The following FMN2 variants were observed in gnomAD, a reference collection of about 807,000 sequenced individuals.
The protein encoded by FMN2 is formin 2.
In FMN2, 51 loss-of-function variants were observed where a neutral mutation model predicts 142.3. The ratio of observed to expected loss-of-function variants is 0.36; its 90% CI spans 0.29 to 0.45. The LOEUF (loss-of-function observed/expected upper bound fraction) is 0.45, where lower values mean the gene tolerates loss of function less well. Ranked by LOEUF, FMN2 falls within the 20% of genes least tolerant of loss-of-function variation. FMN2 has a pLI of 1.00. For synonymous variants in FMN2, 882 were observed against 869.8 expected, an observed-to-expected ratio of 1.01 and a Z score of -0.25; for missense variants, 1,936 against 2,122.8, an observed-to-expected ratio of 0.91 and a Z score of 1.73.
intron 7 of FMN2, among the ~76,000 whole-genome samples, chr1:240,259,615 C>G (rs185575786): frequency 6.6e-6 from 1 of 151,124 alleles, no homozygotes; most frequent in Non-Finnish European, 1.5e-5. Context: ...ATGTGTGAAT[C>G]GCTTGTGTCC....
Position 240,461,356 on chromosome 1 carries a change from T to C in FMN2, c.5061-11016T>C, listed in dbSNP as rs145117046. ...GGGTTACTGCGAAATTTAAAGGAGA[T>C]GGTTATCTGTAAGCTCTCCTAGCTC... On this transcript the variant is annotated intron_variant, in intron 16 of 17. Transcript: ENST00000319653. 3.7e-4 allele frequency among the ~76,000 whole-genome samples: 57 copies of C among 152,172 alleles called. 1 individual carries two copies. The highest frequency in any genetic ancestry group is 1.1e-3 in the African/African-American group (45 of 41,526).
chr1:240,275,240 GC>G (rs1243093909), intron 7 of FMN2, among the ~76,000 whole-genome samples: 6 of 150,156 alleles, frequency 4.0e-5, no homozygotes, highest in African/African-American at 1.5e-4. Context: ...CCCTCCCCTA[GC>G]CCCCCAACCC....
At chr1:240,199,331 GC>G (rs1288215669) in intron 4 of FMN2, among the ~76,000 whole-genome samples, 10 of 152,090 alleles carry the variant, frequency 6.6e-5, no homozygotes, top group African/African-American at 2.4e-4. Context: ...CCAATAAGCA[GC>G]TTTTAAATTC....
rs566318114 is a variant in FMN2 at position 240,148,903 on chromosome 1, C to T, written c.1782+25558C>T. ...AGGAGAATGGCGTGAACCCGGGAGG[C>T]GGAGCTTGCAGTGAGTCTAGATCGC... On this transcript the variant is annotated intron_variant, in intron 2 of 17. Transcript: ENST00000319653. Among the ~76,000 whole-genome samples the T allele has an allele frequency of 6.6e-5, 10 of 151,222 alleles. No homozygotes were observed. In the South Asian group the frequency reaches 1.5e-3, roughly 22 times the overall value.
intron 2 of FMN2, among the ~76,000 whole-genome samples, chr1:240,139,851 T>A (rs1437332335): frequency 6.6e-6 from 1 of 151,834 alleles, no homozygotes; most frequent in African/African-American, 2.4e-5. Context: ...TTAGTGAGGG[T>A]GGGAATTGAA....
intron 1 of FMN2, among the ~76,000 whole-genome samples, chr1:240,106,340 A>G (rs187222915): frequency 3.9e-5 from 6 of 152,202 alleles, no homozygotes; most frequent in African/African-American, 1.4e-4. Context: ...ATTTCCCTGC[A>G]TGTTGATAAA....
intron 7 of FMN2, among the ~76,000 whole-genome samples, chr1:240,291,132 T>C (rs1669771731): frequency 6.6e-6 from 1 of 152,088 alleles, no homozygotes; most frequent in Non-Finnish European, 1.5e-5. Context: ...TAGTAACACG[T>C]GGTCATTTGT....
At chr1:240,430,787 C>A (rs1675143161) in intron 15 of FMN2, among the ~76,000 whole-genome samples, 1 of 151,102 alleles carries the variant, frequency 6.6e-6, no homozygotes, top group Non-Finnish European at 1.5e-5. Flanking sequence ...ATTCAGATGA[C>A]CTTGTATGTG....
intron 7 of FMN2, among the ~76,000 whole-genome samples, chr1:240,261,169 T>C (rs1248483101): frequency 6.6e-6 from 1 of 152,202 alleles, no homozygotes; most frequent in East Asian, 1.9e-4. Flanking sequence ...ATAGTATAGT[T>C]TGAAGTCAGA....
intron 16 of FMN2, among the ~76,000 whole-genome samples, chr1:240,469,614 T>A (rs1043453742): frequency 1.3e-5 from 2 of 152,204 alleles, no homozygotes; most frequent in African/African-American, 4.8e-5. Flanking sequence ...TTCAATCCAT[T>A]TTCCTTTTCC....
chr1:240,270,392 T>C (rs1668960443), intron 7 of FMN2, among the ~76,000 whole-genome samples: 1 of 152,110 alleles, frequency 6.6e-6, no homozygotes, highest in Non-Finnish European at 1.5e-5. Flanking sequence ...ACTGGGTATA[T>C]ACCCAAAGGG....
intron 4 of FMN2, among the ~76,000 whole-genome samples, chr1:240,202,871 A>C (rs187362914): frequency 4.9e-4 from 75 of 152,228 alleles, no homozygotes; most frequent in African/African-American, 1.7e-3. Context: ...TGGCATAGGC[A>C]ATAACATTTA....
intron 2 of FMN2, among the ~76,000 whole-genome samples, chr1:240,136,445 A>C (rs367597676): frequency 1.3e-5 from 2 of 152,218 alleles, no homozygotes; most frequent in Non-Finnish European, 2.9e-5. Context: ...CACTCGTGGC[A>C]ATCAGACTTT....
In FMN2 at chr1:240,306,876, AG is replaced by A. The variant is rs1670426692; in HGVS notation, c.4215+11994del. Among the ~76,000 whole-genome samples the A allele has an allele frequency of 2.6e-5, 4 of 152,192 alleles. No homozygotes were observed. In the South Asian group the frequency reaches 8.3e-4, roughly 32 times the overall value. ...TTTGCATTCCCACCAACAGTGTATA[AG>A]CATTTCCTTGTCTTCACAACCTCTG... On this transcript the variant is annotated intron_variant, in intron 8 of 17. Coordinates refer to ENST00000319653, the MANE Select transcript of FMN2 (RefSeq NM_020066.5).
Position 240,270,251 on chromosome 1 carries a change from A to G in FMN2, c.4153+12219A>G, listed in dbSNP as rs1572138542. 2.0e-5 allele frequency among the ~76,000 whole-genome samples: 3 copies of G among 152,120 alleles called. No individual in the cohort carries two copies. The South Asian group carries it at 6.2e-4, about 31-fold the overall frequency. On this transcript the variant is annotated intron_variant, in intron 7 of 17. Transcript: ENST00000319653. ...GTTTTTATCATGAAACGAGTTTGCC[A>G]AGGATGTGGGGAAAAGAGAACTCTT...
At chr1:240,316,238 G>A (rs1433913890) in intron 8 of FMN2, among the ~76,000 whole-genome samples, 1 of 151,962 alleles carries the variant, frequency 6.6e-6, no homozygotes, top group African/African-American at 2.4e-5. Context: ...TTGCTGAAAA[G>A]GCAACAAGGA....
intron 14 of FMN2, among the ~76,000 whole-genome samples, chr1:240,360,107 A>G (rs1044174055): frequency 1.3e-5 from 2 of 152,112 alleles, no homozygotes; most frequent in African/African-American, 4.8e-5. Context: ...TCATAAACCC[A>G]CTGACAACTC....
intron 6 of FMN2, among the ~76,000 whole-genome samples, chr1:240,227,206 T>G (rs1572090849): frequency 1.3e-5 from 2 of 152,348 alleles, no homozygotes; most frequent in East Asian, 3.9e-4. Flanking sequence ...CCCTTTGCAG[T>G]ATTATTAAAA....
chr1:240,233,195 A>T (rs1352503480), intron 6 of FMN2, among the ~76,000 whole-genome samples: 1 of 152,106 alleles, frequency 6.6e-6, no homozygotes, highest in Non-Finnish European at 1.5e-5. Flanking sequence ...AGCCTGACCA[A>T]CATGGTGAAA....
Sources: allele counts gnomAD v4.1 joint callset (sites outside exome capture counted in the v4.1 genomes callset), GRCh38; gene constraint gnomAD v4.1.1; transcripts MANE v1.5; gene names NCBI Gene and HGNC (gene_info 2026-07-23, HGNC 2026-07-21).